The following PALD1 variants were observed in gnomAD, a reference collection of about 807,000 sequenced individuals.
PALD1 encodes the protein phosphatase domain containing paladin 1, also known as paladin.
PALD1 carries 57 observed loss-of-function variants against 96.0 expected under a neutral mutation model. The ratio of observed to expected loss-of-function variants is 0.59; its 90% confidence interval spans 0.48 to 0.74. The LOEUF (loss-of-function observed/expected upper bound fraction) is 0.74. PALD1 is among the 30% of genes least tolerant of loss of function. The pLI, the probability that PALD1 is intolerant of heterozygous loss-of-function variation, is 0.00. For synonymous variants in PALD1, 464 were observed against 473.6 expected (o/e 0.98, Z 0.26); for missense variants, 1,063 against 1,143.7 (o/e 0.93, Z 1.02).
upstream of PALD1, among the ~76,000 whole-genome samples, chr10:70,477,124 C>T (rs1442486460): frequency 4.6e-5 from 7 of 152,272 alleles, no homozygotes; most frequent in East Asian, 1.4e-3. Flanking sequence ...AGGACATTAT[C>T]CTGGAATGCA....
chr10:70,526,458 T>C (rs931722350), intron 2 of PALD1, among the ~76,000 whole-genome samples: 12 of 152,238 alleles, frequency 7.9e-5, no homozygotes, highest in African/African-American at 2.7e-4. Flanking sequence ...AAGAAGTTTA[T>C]GTACTTGATG....
At chr10:70,557,671 G>A (rs931378281) in intron 18 of PALD1, among the ~76,000 whole-genome samples, 3 of 152,050 alleles carry the variant, frequency 2.0e-5, no homozygotes, top group Admixed American at 6.5e-5. Flanking sequence ...CACACGCAGC[G>A]GCTGGTGCTG....
In PALD1 at chr10:70,540,836, C is replaced by T. The variant is rs759743601; in HGVS notation, c.1909-266C>T. Among the ~76,000 whole-genome samples, 21 of 152,266 alleles carry T rather than the reference C, an allele frequency of 1.4e-4. 1 individual carries two copies. The highest frequency in any genetic ancestry group is 2.1e-4 in the Non-Finnish European group (14 of 68,008). On this transcript the variant is annotated intron_variant, in intron 15 of 19. Transcript: ENST00000263563. The surrounding 1 kb of genome is among the most constrained non-coding windows in gnomAD (Gnocchi z 4.2). The stretch of plus-strand genomic sequence containing the variant: ...TGTCCTGCCTGATGGAGGGTGGGTA[C>T]CTTGAGCCCCAGGTGCATGCTGTGT...
chr10:70,539,102 G>A lies in PALD1; in HGVS notation c.1580G>A (p.Ser527Asn), dbSNP rs1589208335. 1 of 1,613,912 alleles carries A rather than the reference G, an allele frequency of 6.2e-7. No individual in the cohort carries two copies. Among genetic ancestry groups the A allele is most frequent in the Non-Finnish European group, 8.5e-7 (1 of 1,179,914 alleles). ...CCCTCCTGTGCCCAGGCCCTGGGGA[G>A]CATCCTGGCCTACCTGACGGACGCC... ...TAQPSAKALG[S>N]ILAYLTDAKR... The change falls in exon 14 of 20, where the codon AGC becomes AAC. Residue 527 changes from serine (S) to asparagine (N), a missense_variant. Transcript: ENST00000263563. This position sits in a 1 kb window ranked among gnomAD's most constrained non-coding sequence, Gnocchi z 4.5.
At chr10:70,492,111 A>G (rs1846108428) in intron 1 of PALD1, among the ~76,000 whole-genome samples, 1 of 152,198 alleles carries the variant, frequency 6.6e-6, no homozygotes, top group Non-Finnish European at 1.5e-5. Context: ...TTGGGTATAT[A>G]CTTAGCAGTG....
chr10:70,475,229 A>C (rs1377947440), upstream of PALD1, among the ~76,000 whole-genome samples: 1 of 152,230 alleles, frequency 6.6e-6, no homozygotes, highest in East Asian at 1.9e-4. Flanking sequence ...CCCTGCTTAA[A>C]GCCCTTGTCT....
chr10:70,546,795 C>G (rs1018466987), intron 17 of PALD1, among the ~76,000 whole-genome samples: 2 of 152,054 alleles, frequency 1.3e-5, no homozygotes, highest in Admixed American at 6.5e-5. Context: ...ACTAAAAGTA[C>G]AAGATATTAG....
chr10:70,558,625 G>A (rs1847665216), intron 18 of PALD1, among the ~76,000 whole-genome samples: 1 of 151,968 alleles, frequency 6.6e-6, no homozygotes, highest in African/African-American at 2.4e-5. Flanking sequence ...GCCTCTAAGT[G>A]TCACATGTTG....
At chr10:70,558,915 G>A (rs535397200) in intron 18 of PALD1, among the ~76,000 whole-genome samples, 1 of 152,112 alleles carries the variant, frequency 6.6e-6, no homozygotes, top group African/African-American at 2.4e-5. Flanking sequence ...AGAGGGCTTT[G>A]TGCAGTACTG....
At chr10:70,483,906 C>A (rs1321133781) in intron 1 of PALD1, among the ~76,000 whole-genome samples, 1 of 152,186 alleles carries the variant, frequency 6.6e-6, no homozygotes, top group African/African-American at 2.4e-5. Flanking sequence ...ACATCAGGTG[C>A]TGAAAGGTAC....
At chr10:70,565,530 T>C (rs965562185) in intron 19 of PALD1, among the ~76,000 whole-genome samples, 1 of 152,288 alleles carries the variant, frequency 6.6e-6, no homozygotes, top group Non-Finnish European at 1.5e-5. Flanking sequence ...GCCGGTGACC[T>C]GGCCAGAGTG....
At chr10:70,467,216 C>A in the PALD1 span, among the ~76,000 whole-genome samples, 1 of 151,952 alleles carries the variant, frequency 6.6e-6, no homozygotes, top group African/African-American at 2.4e-5. Flanking sequence ...GGGAAAGAGG[C>A]CCCCTGGGGA....
In PALD1 at chr10:70,520,518, A is replaced by G. The variant is rs191767902; in HGVS notation, c.-29-5405A>G. On this transcript the variant is annotated intron_variant, in intron 1 of 19. Coordinates refer to ENST00000263563, the MANE Select transcript of PALD1 (RefSeq NM_014431.3). The stretch of plus-strand genomic sequence containing the variant: ...CTGGGCTTGAATACTGCCATTGACA[A>G]AAGGCTCACCACTCTGGCAGGTTGG... Among the ~76,000 whole-genome samples, 1,065 of 152,282 alleles carry G rather than the reference A, an allele frequency of 7.0e-3. 17 individuals carry two copies. Among genetic ancestry groups the G allele is most frequent in the Admixed American group, 0.038 (580 of 15,292 alleles).
Position 70,529,957 on chromosome 10 carries a change from G to A in PALD1, c.357G>A (p.Gly119=), listed in dbSNP as rs765622269. Residue 119 remains glycine, a synonymous_variant, in exon 4 of 20, where the codon GGG becomes GGA. Transcript: ENST00000263563. ...TGCTGGGCACCGTGGGAAGCTGTGG[G>A]GCCCCCAACTTCCGGCAGGTGCAGG... ...MDVLGTVGSC[G]APNFRQVQGG... is the part of the protein sequence containing the mutation. The A allele has an allele frequency of 9.9e-6, 16 of 1,613,358 alleles. No individual in the cohort carries two copies. The highest frequency in any genetic ancestry group is 4.0e-5 in the African/African-American group (3 of 74,852).
chr10:70,465,149 T>A, the PALD1 span, among the ~76,000 whole-genome samples: 1 of 151,914 alleles, frequency 6.6e-6, no homozygotes, highest in East Asian at 1.9e-4. Flanking sequence ...TAATTTTTTG[T>A]ATTTTTAGTA....
upstream of PALD1, among the ~76,000 whole-genome samples, chr10:70,478,093 G>A (rs1309522246): frequency 6.6e-6 from 1 of 152,008 alleles, no homozygotes; most frequent in Non-Finnish European, 1.5e-5. Context: ...GCCGCATGAT[G>A]GGTGGGGGCG....
chr10:70,475,990 GA>G (rs995721151), upstream of PALD1, among the ~76,000 whole-genome samples: 139 of 152,310 alleles, frequency 9.1e-4, no homozygotes, highest in African/African-American at 3.1e-3. Context: ...CACAAACATG[GA>G]TCCCTGCAAA....
chr10:70,553,761 G>A (rs369015782), intron 18 of PALD1, among the ~76,000 whole-genome samples: 4 of 152,258 alleles, frequency 2.6e-5, no homozygotes, highest in South Asian at 2.1e-4. Flanking sequence ...TCAAGCGGGC[G>A]GAGGCACCAT....
At chr10:70,477,032 CAT>C (rs1845836547), upstream of PALD1, among the ~76,000 whole-genome samples, 1 of 52,122 alleles carries the variant, frequency 1.9e-5, no homozygotes, top group Non-Finnish European at 6.7e-5. Context: ...TACATGTGTG[CAT>C]ACACATGCAC....
Sources: allele counts gnomAD v4.1 joint callset (sites outside exome capture counted in the v4.1 genomes callset), GRCh38; gene constraint gnomAD v4.1.1; non-coding constraint Gnocchi (gnomAD v3.1); transcripts MANE v1.5; gene names NCBI Gene and HGNC (gene_info 2026-07-23, HGNC 2026-07-21).